Variants in PRR19 observed in about 807,000 individuals in gnomAD.
PRR19 encodes the protein proline-rich protein 19.
In PRR19, 9 loss-of-function variants were observed where a neutral mutation model predicts 19.2. That is an observed-to-expected ratio of 0.47 (90% CI 0.28 to 0.82). The LOEUF (loss-of-function observed/expected upper bound fraction) is 0.82, where lower values mean the gene tolerates loss of function less well. Ranked by LOEUF, PRR19 falls within the 40% of genes least tolerant of loss-of-function variation. The pLI, the probability that PRR19 is intolerant of heterozygous loss-of-function variation, is 0.11. For synonymous variants in PRR19, 190 were observed against 191.0 expected, an observed-to-expected ratio of 0.99 and a Z score of 0.04; for missense variants, 457 against 466.0, an observed-to-expected ratio of 0.98 and a Z score of 0.18.
At chr19:42,303,775 CAG>C (rs1323305661) in intron 1 of PRR19, among the ~76,000 whole-genome samples, 3 of 152,110 alleles carry the variant, frequency 2.0e-5, no homozygotes, top group Middle Eastern at 3.2e-3. Context: ...GATCCAGACA[CAG>C]AGGTGTAGGG....
intron 1 of PRR19, among the ~76,000 whole-genome samples, chr19:42,306,395 G>C (rs1169755129): frequency 6.6e-6 from 1 of 152,002 alleles, no homozygotes; most frequent in Admixed American, 6.6e-5. Flanking sequence ...GGATGGTCTT[G>C]ATCTCCTGAC....
intron 1 of PRR19, 183 bp from the exon 2 acceptor site, chr19:42,309,396 A>G (rs2038755569): frequency 2.0e-6 from 1 of 493,180 alleles, no homozygotes; most frequent in African/African-American, 1.9e-5. Context: ...TTCAGTAAAG[A>G]CAGCATTTTG....
intron 1 of PRR19, among the ~76,000 whole-genome samples, chr19:42,308,291 A>G (rs2038737707): frequency 6.6e-6 from 1 of 151,728 alleles, no homozygotes; most frequent in Admixed American, 6.6e-5. Context: ...CAGTGATGCA[A>G]TCATAGCTCA....
At chr19:42,308,053 G>C (rs1306384062) in intron 1 of PRR19, among the ~76,000 whole-genome samples, 1 of 151,360 alleles carries the variant, frequency 6.6e-6, no homozygotes, top group African/African-American at 2.4e-5. Flanking sequence ...CACCGCGCCC[G>C]GCTCACCCTC....
At chr19:42,307,918 C>T (rs540125841) in intron 1 of PRR19, among the ~76,000 whole-genome samples, 5 of 151,646 alleles carry the variant, frequency 3.3e-5, no homozygotes, top group Non-Finnish European at 5.9e-5. Flanking sequence ...CCACCGCGCC[C>T]GGCTAATTTT....
At position 42,302,480 on chromosome 19, in the gene PRR19, G is replaced by A; in HGVS notation, c.-30G>A. ...GATACAGGGCGCCGCCTCCTCTCCA[G>A]GGACGGAAGCCTTCACTTAGGAGGT... On this transcript the variant is annotated 5_prime_UTR_variant, in exon 1 of 3. Coordinates refer to ENST00000341747, the MANE Select transcript of PRR19 (RefSeq NM_199285.3). The A allele has an allele frequency of 1.7e-6, 1 of 599,720 alleles. No homozygotes were observed. The highest frequency in any genetic ancestry group is 2.9e-6 in the Non-Finnish European group (1 of 343,668). The allele number at this position is 599,720 out of a possible 1,614,324, so 37.1% of individuals were successfully genotyped here. A position where few individuals can be genotyped will look rare whatever the true frequency, so the allele number is the denominator to read the frequency against.
chr19:42,306,504 A>G (rs962330812), intron 1 of PRR19, among the ~76,000 whole-genome samples: 1 of 151,142 alleles, frequency 6.6e-6, no homozygotes, highest in African/African-American at 2.4e-5. Context: ...GGGTCTCCCT[A>G]TGTTGTCCAG....
At chr19:42,304,666 C>T (rs1390896175) in intron 1 of PRR19, among the ~76,000 whole-genome samples, 10 of 146,428 alleles carry the variant, frequency 6.8e-5, no homozygotes, top group Admixed American at 6.4e-4. Context: ...AGGAGAATAG[C>T]GTGAACCTGG....
rs866552937 is a variant in PRR19, at chr19:42,307,745, A to C, written c.-6-1834A>C. On this transcript the variant is annotated intron_variant, in intron 1 of 2. Transcript: ENST00000341747. ...CCACTGCGCCTGGCCCCCACCCTCC[A>C]TCTTTTTTTTTTTTTTTTTTTTTTT... 9.7e-3 allele frequency among the ~76,000 whole-genome samples: 761 copies of C among 78,404 alleles called. 4 individuals are homozygous for C. The highest frequency in any genetic ancestry group is 0.013 in the Non-Finnish European group (542 of 40,252). 51.4% of individuals were successfully genotyped at this position (78,404 alleles called of 152,430 possible).
At position 42,302,186 on chromosome 19, in the gene PRR19, C is replaced by T; in HGVS notation, c.-324C>T. The T allele has an allele frequency of 6.5e-7, 1 of 1,536,564 alleles. No homozygotes were observed. The highest frequency in any genetic ancestry group is 8.8e-7 in the Non-Finnish European group (1 of 1,133,704). Reference sequence around the variant, plus strand: ...CGAACCAGCCGTTCTCCTGAGCCACCCCCCGCGCCCCCGGACTCCTCAATA... The same window carrying T: ...CGAACCAGCCGTTCTCCTGAGCCACTCCCCGCGCCCCCGGACTCCTCAATA... On this transcript the variant is annotated 5_prime_UTR_variant, in exon 1 of 3. Coordinates refer to ENST00000341747, the MANE Select transcript of PRR19 (RefSeq NM_199285.3).
intron 1 of PRR19, chr19:42,306,991 G>A (rs2038714560): frequency 6.6e-6 from 1 of 152,310 alleles, no homozygotes; most frequent in Admixed American, 6.5e-5. Flanking sequence ...GACTTCGAGA[G>A]CTGGGGTCAC....
chr19:42,302,371 A>G lies in PRR19; in HGVS notation c.-139A>G. On this transcript the variant is annotated 5_prime_UTR_variant, in exon 1 of 3. Coordinates refer to ENST00000341747, the MANE Select transcript of PRR19 (RefSeq NM_199285.3). ...GTCGGCCCGGGAGTGTTCCGAACGGAGCTGGCTCCGCCACGCCCACTCCTA... is the reference window on the plus strand; with the variant it reads ...GTCGGCCCGGGAGTGTTCCGAACGGGGCTGGCTCCGCCACGCCCACTCCTA... 8 of 1,464,270 alleles carry G rather than the reference A, an allele frequency of 5.5e-6. No individual in the cohort carries two copies. The highest frequency in any genetic ancestry group is 7.4e-6 in the Non-Finnish European group (8 of 1,082,578). The allele number at this position is 1,464,270 out of a possible 1,614,324, so 90.7% of individuals were successfully genotyped here. A position where few individuals can be genotyped will look rare whatever the true frequency, so the allele number is the denominator to read the frequency against.
At chr19:42,309,323 C>A (rs960996702) in intron 1 of PRR19, 6 of 283,674 alleles carry the variant, frequency 2.1e-5, no homozygotes, top group Non-Finnish European at 3.3e-5. Flanking sequence ...ATCTGCCTGC[C>A]TTGGCCTCCC....
At chr19:42,303,064 GGTGTGTGTGT>G (rs59660057) in intron 1 of PRR19, among the ~76,000 whole-genome samples, 49 of 134,034 alleles carry the variant, frequency 3.7e-4, no homozygotes, top group African/African-American at 1.2e-3. Context: ...AAACACCGTG[GGTGTGTGTGT>G]GTGTGTGTGT....
At position 42,310,514 on chromosome 19, in the gene PRR19, C is replaced by T. The variant is rs201924959; in HGVS notation, c.845C>T (p.Ala282Val). 9 of 1,614,100 alleles carry T rather than the reference C, an allele frequency of 5.6e-6. No homozygotes were observed. Among genetic ancestry groups the T allele is most frequent in the East Asian group, 2.2e-5 (1 of 44,900 alleles). ...PSGTAWGPPT[A>V]FDLLKSIWLV... ...GGAACAGCCTGGGGTCCCCCAACAGCGTTTGACTTGTTAAAAAGCATCTGG... is the reference window on the plus strand; with the variant it reads ...GGAACAGCCTGGGGTCCCCCAACAGTGTTTGACTTGTTAAAAAGCATCTGG... Residue 282 changes from alanine to valine, a missense_variant, in exon 3 of 3, where the codon GCG (alanine) becomes GTG (valine). Ala to Val is a moderately conservative substitution (Grantham distance 64). Coordinates refer to ENST00000341747, the MANE Select transcript of PRR19 (RefSeq NM_199285.3).
chr19:42,305,813 A>C (rs1199827869), intron 1 of PRR19, among the ~76,000 whole-genome samples: 1 of 152,232 alleles, frequency 6.6e-6, no homozygotes, highest in Non-Finnish European at 1.5e-5. Context: ...TTCCAAGGTC[A>C]CACAGCCCAG....
chr19:42,310,022 G>C lies in PRR19; in HGVS notation c.438G>C (p.Gln146His), dbSNP rs767748882. 1 of 1,613,924 alleles carries C rather than the reference G, an allele frequency of 6.2e-7. No individual in the cohort carries two copies. The highest frequency in any genetic ancestry group is 8.5e-7 in the Non-Finnish European group (1 of 1,180,048). ...CCCCAGAGTTGTCTGGCGTGGGGCA[G>C]CTGCTGGCAGAGCTGCAGTGTCAGC... The part of the protein sequence containing the change: ...PSSPELSGVG[Q>H]LLAELQCQLS... Residue 146 changes from glutamine to histidine, a missense_variant, in exon 2 of 3, where the codon CAG (glutamine) becomes CAC (histidine). By Grantham distance (24) the Gln-to-His change is conservative. Transcript: ENST00000341747.
rs2038785209 is a variant in PRR19, at chr19:42,310,635, C to A, written c.966C>A (p.Val322=). The change falls in exon 3 of 3, where the codon GTC becomes GTA. Residue 322 remains valine, a synonymous_variant. Transcript: ENST00000341747. ...PSSPLLPRTS[V]LDWSPSPPSP... ...CACCCCTGTTGCCCCGAACCTCTGT[C>A]CTGGACTGGAGCCCCAGCCCCCCTT... The A allele has an allele frequency of 2.5e-6, 4 of 1,613,832 alleles. No individual in the cohort carries two copies. The highest frequency in any genetic ancestry group is 3.4e-6 in the Non-Finnish European group (4 of 1,179,894).
At chr19:42,302,592 G>T in intron 1 of PRR19, 89 bp downstream of exon 1, 1 of 414,526 alleles carries the variant, frequency 2.4e-6, no homozygotes, top group Non-Finnish European at 4.4e-6. Context: ...TGACTCCCAG[G>T]CCGCGCACCC....
Sources: allele counts gnomAD v4.1 joint callset (sites outside exome capture counted in the v4.1 genomes callset), GRCh38; gene constraint gnomAD v4.1.1; transcripts MANE v1.5; gene names NCBI Gene and HGNC (gene_info 2026-07-23, HGNC 2026-07-21).